SPATS2L: variants seen among roughly 807,000 people sequenced by gnomAD.
SPATS2L encodes the protein spermatogenesis associated serine rich 2 like, also known as SPATS2-like protein.
Under a neutral mutation model 59.6 loss-of-function variants are expected in SPATS2L, and 30 were observed. The observed-to-expected ratio is 0.50, with a 90% CI of 0.38 to 0.68. SPATS2L has a LOEUF of 0.68. SPATS2L is among the 30% of genes least tolerant of loss of function. The pLI, the probability that SPATS2L is intolerant of heterozygous loss-of-function variation, is 0.00. For missense variants in SPATS2L, 615 were observed against 700.0 expected (o/e 0.88, Z 1.37); for synonymous variants, 252 against 263.5 (o/e 0.96, Z 0.42).
intron 1 of SPATS2L, among the ~76,000 whole-genome samples, chr2:200,322,045 A>G (rs989618012): frequency 2.0e-5 from 3 of 152,212 alleles, no homozygotes; most frequent in Non-Finnish European, 2.9e-5. Context: ...GCCTTCTACA[A>G]AATGTCACTT....
intron 5 of SPATS2L, among the ~76,000 whole-genome samples, chr2:200,417,047 G>A (rs2083092224): frequency 6.6e-6 from 1 of 152,220 alleles, no homozygotes; most frequent in Non-Finnish European, 1.5e-5. Context: ...AAGGGCCTGG[G>A]ATTTCTGGGA....
chr2:200,416,803 A>G (rs1385208247), intron 5 of SPATS2L, among the ~76,000 whole-genome samples: 4 of 152,194 alleles, frequency 2.6e-5, no homozygotes, highest in Non-Finnish European at 5.9e-5. Flanking sequence ...GAAAACTTCT[A>G]AATATATTTT....
At chr2:200,441,619 T>C (rs2084706191) in intron 8 of SPATS2L, among the ~76,000 whole-genome samples, 1 of 152,134 alleles carries the variant, frequency 6.6e-6, no homozygotes, top group South Asian at 2.1e-4. Context: ...GTCTCCTAGC[T>C]CTGTCCATTC....
chr2:200,354,192 C>T (rs972726530), intron 2 of SPATS2L, among the ~76,000 whole-genome samples: 1 of 152,194 alleles, frequency 6.6e-6, no homozygotes, highest in African/African-American at 2.4e-5. Flanking sequence ...TGAAGGCTCT[C>T]TGCTCTGAAT....
At chr2:200,338,827 C>G (rs534514121) in intron 2 of SPATS2L, among the ~76,000 whole-genome samples, 1 of 152,304 alleles carries the variant, frequency 6.6e-6, no homozygotes, top group African/African-American at 2.4e-5. Context: ...AGCCAGACAG[C>G]TGTCTCCCAA....
At chr2:200,351,595 T>A (rs1228862005) in intron 2 of SPATS2L, among the ~76,000 whole-genome samples, 1 of 152,206 alleles carries the variant, frequency 6.6e-6, no homozygotes. Flanking sequence ...ACAAAGGGAT[T>A]CATCTAATAC....
intron 11 of SPATS2L, among the ~76,000 whole-genome samples, chr2:200,471,778 C>T (rs1380658002): frequency 5.3e-5 from 8 of 152,180 alleles, no homozygotes; most frequent in Admixed American, 4.6e-4. Context: ...CTGGCCTTTC[C>T]ATTTCTCCTG....
Position 200,439,243 on chromosome 2 carries a change from G to A in SPATS2L, c.567G>A (p.Lys189=). The A allele has an allele frequency of 1.2e-6, 2 of 1,613,728 alleles. No homozygotes were observed. Among genetic ancestry groups the A allele is most frequent in the Non-Finnish European group, 1.7e-6 (2 of 1,179,734 alleles). The part of the protein sequence containing the change: ...WSAEQPCNPS[K]PKAKTSPVKS... ...CTGAGCAGCCTTGTAACCCAAGCAA[G>A]CCTAAGGCAAAAACATCTCCTGTTA... The change falls in exon 7 of 13, where the codon AAG becomes AAA. Residue 189 remains lysine (K), a synonymous_variant. Coordinates refer to ENST00000409140, the MANE Select transcript of SPATS2L (RefSeq NM_001100423.2).
At chr2:200,446,848 G>A (rs1339285710) in intron 8 of SPATS2L, among the ~76,000 whole-genome samples, 3 of 152,080 alleles carry the variant, frequency 2.0e-5, no homozygotes, top group Non-Finnish European at 4.4e-5. Context: ...CAGTGCAGCA[G>A]GAAATATTTT....
chr2:200,452,180 A>G (rs750214498), intron 8 of SPATS2L, among the ~76,000 whole-genome samples: 1 of 152,222 alleles, frequency 6.6e-6, no homozygotes, highest in African/African-American at 2.4e-5. Flanking sequence ...ACTTTCCCTG[A>G]ATAGTGACCT....
At chr2:200,331,357 T>C (rs1255112527) in intron 2 of SPATS2L, among the ~76,000 whole-genome samples, 1 of 152,256 alleles carries the variant, frequency 6.6e-6, no homozygotes, top group Non-Finnish European at 1.5e-5. Context: ...TCTTAATTTG[T>C]TCTCCCAGAA....
At chr2:200,386,557 T>G (rs1377536536) in intron 2 of SPATS2L, among the ~76,000 whole-genome samples, 1 of 152,248 alleles carries the variant, frequency 6.6e-6, no homozygotes, top group East Asian at 1.9e-4. Flanking sequence ...AATTCCTCCC[T>G]GATTCCTCTG....
intron 1 of SPATS2L, among the ~76,000 whole-genome samples, chr2:200,318,303 A>G (rs974519838): frequency 6.6e-6 from 1 of 152,194 alleles, no homozygotes; most frequent in Non-Finnish European, 1.5e-5. Context: ...TGGTGGATTC[A>G]GTACATGTAC....
intron 10 of SPATS2L, 21 bp from the exon 11 acceptor site, chr2:200,469,893 C>A: frequency 1.3e-6 from 2 of 1,588,058 alleles, no homozygotes; most frequent in Non-Finnish European, 1.7e-6. Context: ...GGGGTTCCTG[C>A]TTTTCATCTC....
At chr2:200,368,080 A>C in intron 2 of SPATS2L, among the ~76,000 whole-genome samples, 1 of 152,248 alleles carries the variant, frequency 6.6e-6, no homozygotes, top group Non-Finnish European at 1.5e-5. Flanking sequence ...CAGAAACAGA[A>C]GGGAAATGAG....
chr2:200,328,593 G>T (rs879849047), intron 1 of SPATS2L, among the ~76,000 whole-genome samples: 3 of 152,124 alleles, frequency 2.0e-5, no homozygotes, highest in Non-Finnish European at 4.4e-5. Context: ...CTTCTTTCCA[G>T]TGCCTCCCTC....
chr2:200,474,074 C>T (rs1398191707), intron 12 of SPATS2L, among the ~76,000 whole-genome samples: 1 of 150,438 alleles, frequency 6.6e-6, no homozygotes, highest in African/African-American at 2.4e-5. Context: ...CCTAAGATAC[C>T]TTTTATCATC....
At chr2:200,351,601 A>G (rs2080731546) in intron 2 of SPATS2L, among the ~76,000 whole-genome samples, 1 of 152,208 alleles carries the variant, frequency 6.6e-6, no homozygotes, top group South Asian at 2.1e-4. Flanking sequence ...GGATTCATCT[A>G]ATACAATATT....
In SPATS2L at chr2:200,481,423, A is replaced by T. The variant is rs1018684335; in HGVS notation, c.*3392A>T. 2.0e-5 allele frequency: 3 copies of T among 152,234 alleles called. No homozygotes were observed. Among genetic ancestry groups the T allele is most frequent in the Non-Finnish European group, 4.4e-5 (3 of 68,042 alleles). The allele number at this position is 152,234 out of a possible 1,614,324, so 9.4% of individuals were successfully genotyped here. On this transcript the variant is annotated 3_prime_UTR_variant, in exon 13 of 13. Coordinates refer to ENST00000409140, the MANE Select transcript of SPATS2L (RefSeq NM_001100423.2). ...ATTTCACCATGAGAAGTGGGGATCA[A>T]GGGCCTGCGCAGTTCTTTTCCTAAA...
Sources: gnomAD v4.1 joint callset for allele counts (sites outside exome capture counted in the v4.1 genomes callset) on GRCh38, gnomAD v4.1.1 for gene constraint, MANE v1.5 for transcripts, NCBI Gene and HGNC (gene_info 2026-07-23, HGNC 2026-07-21) for gene names.